The following OPHN1 variants were observed in gnomAD, a reference collection of about 807,000 sequenced individuals.
OPHN1 encodes the protein oligophrenin-1.
In OPHN1, 11 loss-of-function variants were observed where a neutral mutation model predicts 60.7. The observed-to-expected ratio is 0.18, with a 90% CI of 0.11 to 0.30. The LOEUF (loss-of-function observed/expected upper bound fraction) is 0.30, where lower values mean the gene tolerates loss of function less well. OPHN1 is among the 10% of genes least tolerant of loss of function. The probability of loss-of-function intolerance (pLI) is 1.00; values close to 1 mark genes in which losing one functional copy is unlikely to be tolerated. For missense variants in OPHN1, 449 were observed against 611.0 expected (o/e 0.73, Z 2.80); for synonymous variants, 226 against 222.6 (o/e 1.02, Z -0.14).
Position 68,222,169 on chromosome X carries a change from C to A in OPHN1, c.487-8197G>T, listed in dbSNP as rs1395565026. 3.8e-4 allele frequency among the ~76,000 whole-genome samples: 41 copies of A among 109,188 alleles called. No individual in the cohort carries two copies. In the Middle Eastern group the frequency reaches 0.014, roughly 38 times the overall value. 94.8% of individuals were successfully genotyped at this position (109,188 alleles called of 115,157 possible). On this transcript the variant is annotated intron_variant, in intron 6 of 24. Coordinates refer to ENST00000355520, the MANE Select transcript of OPHN1 (RefSeq NM_002547.3). ...AAGACATTTATGCAGCCAAAAAACA[C>A]ATGAAAAAATGCTCGTCATCACTGG... is the stretch of plus-strand genomic sequence containing the variant.
intron 5 of OPHN1, among the ~76,000 whole-genome samples, chrX:68,242,613 TG>T (rs1438394128): frequency 3.6e-5 from 4 of 111,231 alleles, no homozygotes; most frequent in Non-Finnish European, 7.5e-5. Context: ...AGCAGATACT[TG>T]GTGACCAATG....
intron 15 of OPHN1, among the ~76,000 whole-genome samples, chrX:68,192,241 G>A (rs763768175): frequency 9.0e-6 from 1 of 111,662 alleles, no homozygotes; most frequent in African/African-American, 3.2e-5. Flanking sequence ...GCTCATGCCT[G>A]TAATCCCAGC....
intron 15 of OPHN1, chrX:68,132,831 C>G (rs941309653): frequency 8.2e-6 from 2 of 243,731 alleles, no homozygotes; most frequent in African/African-American, 5.7e-5. Context: ...CGCACTTACC[C>G]GAGTCCGCTC....
chrX:68,059,512 G>T (rs1166426220), intron 21 of OPHN1, among the ~76,000 whole-genome samples: 2 of 111,490 alleles, frequency 1.8e-5, no homozygotes, highest in Non-Finnish European at 3.8e-5. Context: ...TTGGCGTTAG[G>T]CTCCAAGAAA....
chrX:68,368,572 A>G (rs1430239951), intron 2 of OPHN1, among the ~76,000 whole-genome samples: 8 of 110,151 alleles, frequency 7.3e-5, no homozygotes, highest in Admixed American at 5.9e-4. Context: ...TATATGGGGA[A>G]TTTAGAAAGC....
chrX:68,232,571 G>A (rs948768494), intron 6 of OPHN1, among the ~76,000 whole-genome samples: 6 of 111,739 alleles, frequency 5.4e-5, no homozygotes, highest in African/African-American at 2.0e-4. Context: ...CAAAATTCAA[G>A]AGTACCAGAA....
At chrX:68,170,338 T>G (rs771427923) in intron 15 of OPHN1, among the ~76,000 whole-genome samples, 1 of 106,023 alleles carries the variant, frequency 9.4e-6, no homozygotes, top group African/African-American at 3.5e-5. Context: ...TTGGTGGGAC[T>G]GTAAACTAGT....
chrX:68,204,353 A>G (rs1416578933), intron 10 of OPHN1, among the ~76,000 whole-genome samples: 2 of 111,836 alleles, frequency 1.8e-5, no homozygotes, highest in African/African-American at 3.2e-5. Flanking sequence ...AAGATGGCCA[A>G]TTCCTGCATC....
At chrX:68,109,371 A>G (rs1398735352) in intron 18 of OPHN1, among the ~76,000 whole-genome samples, 1 of 111,726 alleles carries the variant, frequency 9.0e-6, no homozygotes, top group East Asian at 2.8e-4. Flanking sequence ...TTTATGGCTG[A>G]ATAATATTCC....
intron 15 of OPHN1, among the ~76,000 whole-genome samples, chrX:68,164,327 G>A (rs1368603020): frequency 8.9e-6 from 1 of 111,927 alleles, no homozygotes; most frequent in African/African-American, 3.2e-5. Flanking sequence ...CTTACAAAAT[G>A]TATTTCTTAA....
intron 11 of OPHN1, among the ~76,000 whole-genome samples, chrX:68,197,506 G>A (rs1179249836): frequency 4.5e-5 from 5 of 111,291 alleles, no homozygotes; most frequent in Non-Finnish European, 7.5e-5. Context: ...GATCCTGCAA[G>A]AAATAGGAAG....
chrX:68,426,849 C>T (rs1466639503), intron 2 of OPHN1, among the ~76,000 whole-genome samples: 1 of 93,260 alleles, frequency 1.1e-5, no homozygotes, highest in African/African-American at 3.7e-5. Flanking sequence ...TAAAAGTATG[C>T]CACTCTGGGT....
At chrX:68,319,067 ACT>A (rs1376323450) in intron 2 of OPHN1, among the ~76,000 whole-genome samples, 1 of 111,264 alleles carries the variant, frequency 9.0e-6, no homozygotes, top group Non-Finnish European at 1.9e-5. Flanking sequence ...CTCTCAAATT[ACT>A]CTTTCTTTCC....
rs2077558011 is a variant in OPHN1, at chrX:68,206,012, T to TGTG, written c.933+560_933+561insCAC. Among the ~76,000 whole-genome samples the TGTG allele has an allele frequency of 4.4e-4, 20 of 45,286 alleles. No homozygotes were observed. The South Asian group carries it at 0.021, about 47-fold the overall frequency. 39.3% of individuals were successfully genotyped at this position (45,286 alleles called of 115,157 possible). A position where few individuals can be genotyped will look rare whatever the true frequency, so the allele number is the denominator to read the frequency against. ...TGTGTGTGTGTGTGTGTGTGTGTGT[T>TGTG]TGTAAAAGATCAGGTTCTTCCAGGT... On this transcript the variant is annotated intron_variant, in intron 10 of 24. Transcript: ENST00000355520.
intron 6 of OPHN1, 66 bp downstream of exon 6, chrX:68,234,421 C>G: frequency 1.1e-6 from 1 of 898,740 alleles, no homozygotes; most frequent in South Asian, 2.0e-5. Flanking sequence ...CCTTGCAGTA[C>G]AAAATTCACA....
intron 10 of OPHN1, among the ~76,000 whole-genome samples, chrX:68,205,979 A>AGTGTGAGTGT (rs2077557286): frequency 1.1e-5 from 1 of 91,221 alleles, no homozygotes. Flanking sequence ...AGTGTGTGTG[A>AGTGTGAGTGT]GTGTGTGTGT....
Position 68,353,865 on chromosome X carries a change from A to G in OPHN1, c.155-54769T>C, listed in dbSNP as rs192984814. Among the ~76,000 whole-genome samples the G allele has an allele frequency of 7.2e-5, 8 of 111,709 alleles. No homozygotes were observed. In the Admixed American group the frequency reaches 7.7e-4, roughly 11 times the overall value. On this transcript the variant is annotated intron_variant, in intron 2 of 24. Coordinates refer to ENST00000355520, the MANE Select transcript of OPHN1 (RefSeq NM_002547.3). ...ATTAGTCTTTTTTTCTTCCTAAAAT[A>G]TAATATTGTAAAAAGTTAGTACTAA...
intron 15 of OPHN1, among the ~76,000 whole-genome samples, chrX:68,171,468 G>C (rs1285592922): frequency 8.9e-6 from 1 of 111,796 alleles, no homozygotes; most frequent in African/African-American, 3.2e-5. Context: ...GGGCCCGGTG[G>C]CTAACGCCTG....
At chrX:68,095,974 G>T (rs2077036969) in intron 19 of OPHN1, among the ~76,000 whole-genome samples, 1 of 111,252 alleles carries the variant, frequency 9.0e-6, no homozygotes, top group South Asian at 3.8e-4. Context: ...ATATACTTTT[G>T]GAATGAGATG....
Sources: gnomAD v4.1 joint callset for allele counts (sites outside exome capture counted in the v4.1 genomes callset) on GRCh38, gnomAD v4.1.1 for gene constraint, MANE v1.5 for transcripts, NCBI Gene and HGNC (gene_info 2026-07-23, HGNC 2026-07-21) for gene names.